Variants in PABPC4L observed in about 807,000 individuals in gnomAD.
The protein encoded by PABPC4L is poly(A) binding protein cytoplasmic 4 like, also known as polyadenylate-binding protein 4-like.
For synonymous variants in PABPC4L, 169 were observed against 164.1 expected, an observed-to-expected ratio of 1.03 and a Z score of -0.23; for missense variants, 452 against 451.4, an observed-to-expected ratio of 1.00 and a Z score of -0.01.
At chr4:134,063,675 T>C in the PABPC4L span, among the ~76,000 whole-genome samples, 1 of 152,068 alleles carries the variant, frequency 6.6e-6, no homozygotes, top group Non-Finnish European at 1.5e-5. Context: ...AACTGTATGC[T>C]AATTTTAAAT....
the PABPC4L span, among the ~76,000 whole-genome samples, chr4:134,029,759 AT>A: frequency 1.3e-4 from 19 of 151,656 alleles, no homozygotes; most frequent in Admixed American, 2.6e-4. Flanking sequence ...TATGAAATGT[AT>A]TTTTTTTAAT....
the PABPC4L span, among the ~76,000 whole-genome samples, chr4:134,114,261 C>T: frequency 6.6e-5 from 10 of 151,658 alleles, no homozygotes; most frequent in African/African-American, 2.4e-4. Flanking sequence ...AAATGTGAAA[C>T]ATCTTAATGG....
At chr4:133,969,412 C>CA in the PABPC4L span, among the ~76,000 whole-genome samples, 3 of 151,826 alleles carry the variant, frequency 2.0e-5, no homozygotes, top group East Asian at 5.8e-4. Context: ...AGGCCTGTGT[C>CA]GGCACATGGC....
At chr4:134,081,533 G>A in the PABPC4L span, among the ~76,000 whole-genome samples, 1 of 152,076 alleles carries the variant, frequency 6.6e-6, no homozygotes. Flanking sequence ...TAAGGAATCT[G>A]GCTCAGGACT....
the PABPC4L span, among the ~76,000 whole-genome samples, chr4:134,171,737 A>T: frequency 6.6e-6 from 1 of 152,134 alleles, no homozygotes; most frequent in Non-Finnish European, 1.5e-5. Context: ...CTTTGTTTGC[A>T]GATTATGTGA....
At chr4:134,006,073 A>G in the PABPC4L span, among the ~76,000 whole-genome samples, 1 of 151,872 alleles carries the variant, frequency 6.6e-6, no homozygotes, top group Non-Finnish European at 1.5e-5. Flanking sequence ...TAAGTAAAAT[A>G]TATACAAATA....
At chr4:134,131,714 CAAAAAAAAAAAAAA>C in the PABPC4L span, among the ~76,000 whole-genome samples, 14 of 10,672 alleles carry the variant, frequency 1.3e-3, 2 homozygotes, top group African/African-American at 4.8e-3. Context: ...CCTGTGAAAC[CAAAAAAAAAAAAAA>C]AAAAAAAAAA....
At chr4:134,150,851 T>G in the PABPC4L span, among the ~76,000 whole-genome samples, 1 of 152,290 alleles carries the variant, frequency 6.6e-6, no homozygotes, top group East Asian at 1.9e-4. Flanking sequence ...TTAGTAACAT[T>G]TTTTATGCCA....
At chr4:133,991,441 T>A in the PABPC4L span, among the ~76,000 whole-genome samples, 133 of 152,306 alleles carry the variant, frequency 8.7e-4, 1 homozygote, top group African/African-American at 3.2e-3. Context: ...ACTGTTTGAA[T>A]GCCAGTGCAT....
chr4:134,053,035 T>C, the PABPC4L span, among the ~76,000 whole-genome samples: 2 of 152,232 alleles, frequency 1.3e-5, no homozygotes, highest in Admixed American at 6.6e-5. Context: ...TAACCATGCT[T>C]TGAAGTAGCT....
chr4:134,121,731 C>T, the PABPC4L span, among the ~76,000 whole-genome samples: 9 of 151,778 alleles, frequency 5.9e-5, no homozygotes, highest in African/African-American at 2.2e-4. Flanking sequence ...AGTTAGAATT[C>T]AACAATTTCC....
At chr4:134,048,201 C>G in the PABPC4L span, among the ~76,000 whole-genome samples, 1 of 152,020 alleles carries the variant, frequency 6.6e-6, no homozygotes, top group East Asian at 1.9e-4. Flanking sequence ...ATTTATATGT[C>G]TTTAATGAAA....
chr4:133,976,288 A>G, the PABPC4L span, among the ~76,000 whole-genome samples: 1 of 152,116 alleles, frequency 6.6e-6, no homozygotes, highest in Non-Finnish European at 1.5e-5. Flanking sequence ...GAATGTTCTC[A>G]TTCTTTTTAT....
the PABPC4L span, among the ~76,000 whole-genome samples, chr4:134,046,975 T>C: frequency 6.6e-6 from 1 of 152,170 alleles, no homozygotes; most frequent in Non-Finnish European, 1.5e-5. Context: ...TCTCTCTGTC[T>C]TTTCCCTACA....
At chr4:133,969,130 A>C in the PABPC4L span, among the ~76,000 whole-genome samples, 3 of 152,090 alleles carry the variant, frequency 2.0e-5, no homozygotes, top group African/African-American at 7.2e-5. Context: ...ATGTTTTCTC[A>C]CTTCTCTGTT....
the PABPC4L span, among the ~76,000 whole-genome samples, chr4:134,166,244 T>G: frequency 6.6e-6 from 1 of 152,068 alleles, no homozygotes; most frequent in African/African-American, 2.4e-5. Flanking sequence ...TTCGTCTATG[T>G]AAGGAAAACC....
chr4:134,027,000 A>T, the PABPC4L span, among the ~76,000 whole-genome samples: 1 of 152,126 alleles, frequency 6.6e-6, no homozygotes, highest in Non-Finnish European at 1.5e-5. Context: ...TTTCTAAGCC[A>T]CTAAGTTTGT....
the PABPC4L span, among the ~76,000 whole-genome samples, chr4:134,149,905 C>T: frequency 8.5e-5 from 13 of 152,100 alleles, no homozygotes; most frequent in Non-Finnish European, 1.3e-4. Context: ...AAAGTTTATT[C>T]TCTACTGCTA....
At chr4:134,055,715 G>T in the PABPC4L span, among the ~76,000 whole-genome samples, 1 of 145,930 alleles carries the variant, frequency 6.9e-6, no homozygotes, top group African/African-American at 2.5e-5. Flanking sequence ...ACATATACCA[G>T]ATCCTAGTGC....
Sources: allele counts gnomAD v4.1 joint callset (sites outside exome capture counted in the v4.1 genomes callset), GRCh38; gene constraint gnomAD v4.1.1; transcripts MANE v1.5; gene names NCBI Gene and HGNC (gene_info 2026-07-23, HGNC 2026-07-21).